The following PHACTR3 variants were observed in gnomAD, a reference collection of about 807,000 sequenced individuals.
PHACTR3 encodes the protein phosphatase and actin regulator 3.
PHACTR3 carries 16 observed loss-of-function variants against 66.8 expected under a neutral mutation model. The ratio of observed to expected loss-of-function variants is 0.24; its 90% CI spans 0.16 to 0.36. The LOEUF (loss-of-function observed/expected upper bound fraction) is 0.36, where lower values mean the gene tolerates loss of function less well. PHACTR3 is among the 10% of genes least tolerant of loss of function. The pLI is 1.00. For synonymous variants in PHACTR3, 323 were observed against 292.1 expected (o/e 1.11, Z -1.08); for missense variants, 647 against 719.9 (o/e 0.90, Z 1.16).
At chr20:59,589,579 C>T (rs1200091848) in intron 1 of PHACTR3, among the ~76,000 whole-genome samples, 2 of 152,218 alleles carry the variant, frequency 1.3e-5, no homozygotes, top group African/African-American at 4.8e-5. Context: ...ACTTAATCTA[C>T]AGTTGCTGCG....
intron 8 of PHACTR3, among the ~76,000 whole-genome samples, chr20:59,808,254 G>A (rs6027131): frequency 0.15 from 23,503 of 152,188 alleles, 3,308 homozygotes; most frequent in East Asian, 0.4. Context: ...TTGCGCCCAC[G>A]GACACTGCCC....
At chr20:59,665,241 C>G (rs1466566871) in intron 1 of PHACTR3, among the ~76,000 whole-genome samples, 1 of 152,178 alleles carries the variant, frequency 6.6e-6, no homozygotes, top group East Asian at 1.9e-4. Context: ...GTGGCTCTCT[C>G]TCTACCTAGG....
chr20:59,841,623 G>A (rs1439433158), intron 11 of PHACTR3, 88 bp downstream of exon 11: 2 of 1,396,694 alleles, frequency 1.4e-6, no homozygotes, highest in African/African-American at 1.5e-5. Context: ...CATAGACAAT[G>A]GGAGCCCTCA....
chr20:59,645,786 C>T (rs1023739420), intron 1 of PHACTR3, among the ~76,000 whole-genome samples: 16 of 152,098 alleles, frequency 1.1e-4, no homozygotes, highest in Admixed American at 3.9e-4. Context: ...CATGTCGTGA[C>T]GCTGGAATGA....
intron 4 of PHACTR3, 92 bp from the exon 5 acceptor site, chr20:59,767,094 C>A: frequency 7.7e-7 from 1 of 1,300,070 alleles, no homozygotes; most frequent in Non-Finnish European, 1.1e-6. Flanking sequence ...TCTTCACGAT[C>A]CCATCCCACC....
At chr20:59,792,351 C>T (rs1227829469) in intron 7 of PHACTR3, among the ~76,000 whole-genome samples, 1 of 152,240 alleles carries the variant, frequency 6.6e-6, no homozygotes, top group East Asian at 1.9e-4. Context: ...ATGGCTGAGT[C>T]ATGTGGTAGG....
chr20:59,753,239 A>C (rs929441142), intron 3 of PHACTR3, among the ~76,000 whole-genome samples: 1 of 151,980 alleles, frequency 6.6e-6, no homozygotes, highest in African/African-American at 2.4e-5. Flanking sequence ...GCCTTATGGG[A>C]AGAGCCTGCC....
At chr20:59,723,060 CTCTTTCTTTCTTTCTT>C (rs140524195) in intron 1 of PHACTR3, among the ~76,000 whole-genome samples, 2,643 of 118,748 alleles carry the variant, frequency 0.022, 37 homozygotes, top group African/African-American at 0.04. Flanking sequence ...TTCTTTCTTT[CTCTTTCTTTCTTTCTT>C]TCTTTCTTTC....
chr20:59,716,543 C>T (rs976748923), intron 1 of PHACTR3, among the ~76,000 whole-genome samples: 2 of 106,568 alleles, frequency 1.9e-5, no homozygotes, highest in Non-Finnish European at 4.4e-5. Flanking sequence ...TGCACCCGGC[C>T]CTCTTCACTC....
intron 7 of PHACTR3, among the ~76,000 whole-genome samples, chr20:59,774,910 AAAGCAGGACGAGATGG>A (rs1168980011): frequency 3.3e-5 from 5 of 152,160 alleles, no homozygotes; most frequent in African/African-American, 1.2e-4. Flanking sequence ...TGTAACAAGT[AAAGCAGGACGAGATGG>A]AAGCAGGGGG....
chr20:59,650,976 T>C (rs2035441312), intron 1 of PHACTR3, among the ~76,000 whole-genome samples: 1 of 152,140 alleles, frequency 6.6e-6, no homozygotes, highest in Non-Finnish European at 1.5e-5. Context: ...GAAAACCTGA[T>C]TTAAGCAAGA....
At chr20:59,672,652 C>T (rs1568694660) in intron 1 of PHACTR3, among the ~76,000 whole-genome samples, 2 of 152,168 alleles carry the variant, frequency 1.3e-5, no homozygotes, top group Non-Finnish European at 2.9e-5. Context: ...GATAAACGTG[C>T]GTGAGCAGCG....
chr20:59,629,232 T>A (rs2034575775), intron 1 of PHACTR3, among the ~76,000 whole-genome samples: 1 of 152,224 alleles, frequency 6.6e-6, no homozygotes, highest in Non-Finnish European at 1.5e-5. Flanking sequence ...GCCCCCACCA[T>A]GCTCCAGTGG....
chr20:59,749,768 C>G (rs997098735), intron 3 of PHACTR3, among the ~76,000 whole-genome samples: 1 of 152,208 alleles, frequency 6.6e-6, no homozygotes, highest in Non-Finnish European at 1.5e-5. Context: ...TTATTTATGG[C>G]CACTGGCCTT....
At chr20:59,624,617 G>A (rs1159226104) in intron 1 of PHACTR3, among the ~76,000 whole-genome samples, 1 of 152,114 alleles carries the variant, frequency 6.6e-6, no homozygotes, top group Non-Finnish European at 1.5e-5. Flanking sequence ...CTGGTCCAGC[G>A]CAGCCACCTC....
At chr20:59,770,422 A>C (rs2040322191) in intron 5 of PHACTR3, among the ~76,000 whole-genome samples, 1 of 152,328 alleles carries the variant, frequency 6.6e-6, no homozygotes, top group East Asian at 1.9e-4. Context: ...CAAAGAAGAA[A>C]GTCTCCTTAC....
chr20:59,776,392 G>A (rs757166165), intron 7 of PHACTR3, among the ~76,000 whole-genome samples: 35 of 152,154 alleles, frequency 2.3e-4, no homozygotes, highest in Non-Finnish European at 2.5e-4. Context: ...CCAGCTTTCC[G>A]CTCTGTGCTA....
chr20:59,824,515 C>T lies in PHACTR3; in HGVS notation c.1329-11990C>T, dbSNP rs551245399. ...ACATAAGGGCTAATGGAGCAGCACC[C>T]GGTTCCTTTCTGTAATGGCATTGAA... is the stretch of plus-strand genomic sequence containing the variant. On this transcript the variant is annotated intron_variant, in intron 8 of 12. Transcript: ENST00000371015. 5.3e-5 allele frequency among the ~76,000 whole-genome samples: 8 copies of T among 152,340 alleles called. No homozygotes were observed. In the East Asian group the frequency reaches 7.7e-4, roughly 15 times the overall value.
At chr20:59,725,383 G>A (rs967569616) in intron 1 of PHACTR3, among the ~76,000 whole-genome samples, 35 of 151,988 alleles carry the variant, frequency 2.3e-4, no homozygotes, top group African/African-American at 6.8e-4. Flanking sequence ...TGTGCCCACC[G>A]AGGCTGTGAG....
Sources: gnomAD v4.1 joint callset for allele counts (sites outside exome capture counted in the v4.1 genomes callset) on GRCh38, gnomAD v4.1.1 for gene constraint, MANE v1.5 for transcripts, NCBI Gene and HGNC (gene_info 2026-07-23, HGNC 2026-07-21) for gene names.